The following MSANTD2 variants were observed in gnomAD, a reference collection of about 807,000 sequenced individuals.
MSANTD2 encodes myb/SANT-like DNA-binding domain-containing protein 2.
A neutral mutation model predicts 52.6 loss-of-function variants in MSANTD2; 19 were observed. The observed-to-expected ratio is 0.36, with a 90% CI of 0.25 to 0.53. The LOEUF (loss-of-function observed/expected upper bound fraction) is 0.53, where lower values mean the gene tolerates loss of function less well. MSANTD2 is among the 20% of genes least tolerant of loss of function. MSANTD2 has a pLI of 0.91. For missense variants in MSANTD2, 558 were observed against 716.3 expected, an observed-to-expected ratio of 0.78 and a Z score of 2.52; for synonymous variants, 291 against 289.7, an observed-to-expected ratio of 1.00 and a Z score of -0.04.
intron 1 of MSANTD2, among the ~76,000 whole-genome samples, chr11:124,777,460 T>C (rs1944787160): frequency 2.0e-5 from 3 of 152,346 alleles, no homozygotes; most frequent in South Asian, 4.1e-4. Context: ...GCGATAGACA[T>C]GGTAGGAAAC....
chr11:124,766,877 T>C lies in MSANTD2; in HGVS notation c.*299A>G, dbSNP rs1440693371. 1 of 252,072 alleles carries C rather than the reference T, an allele frequency of 4.0e-6. No individual in the cohort carries two copies. Among genetic ancestry groups the C allele is most frequent in the Non-Finnish European group, 7.5e-6 (1 of 132,878 alleles). The allele number at this position is 252,072 out of a possible 1,614,324, so 15.6% of individuals were successfully genotyped here. ...CCAATATGGAATGTACCTACATTTG[T>C]TTATATTAGGGCTCTAAAATCCATT... On this transcript the variant is annotated 3_prime_UTR_variant, in exon 4 of 4. Transcript: ENST00000374979.
chr11:124,785,045 CTTAG>C (rs554078824), intron 1 of MSANTD2, among the ~76,000 whole-genome samples: 154 of 152,282 alleles, frequency 1.0e-3, no homozygotes, highest in Non-Finnish European at 1.5e-3. Context: ...GTGATCTGAA[CTTAG>C]TTAGGAAGTT....
At chr11:124,794,489 T>C (rs887681387) in intron 1 of MSANTD2, among the ~76,000 whole-genome samples, 2 of 152,178 alleles carry the variant, frequency 1.3e-5, no homozygotes, top group African/African-American at 4.8e-5. Context: ...AGAGACTAAA[T>C]ATATAAAAAA....
Position 124,773,031 on chromosome 11 carries a change from T to C in MSANTD2, c.790A>G (p.Thr264Ala). Residue 264 changes from threonine (T) to alanine (A), a missense_variant, in exon 3 of 4, where the codon ACA becomes GCA. Physicochemically the swap from Thr to Ala is moderately conservative, Grantham distance 58. Transcript: ENST00000374979. ...GAAGACTCTTGTTTTATTTTTAATG[T>C]TCTCTTTGTGACAGGTATTTCATCT... ...ELDEIPVTKRTLKIKQESSEE... is the reference protein window; with the variant it reads ...ELDEIPVTKRALKIKQESSEE... The C allele has an allele frequency of 6.2e-7, 1 of 1,600,506 alleles. No homozygotes were observed. The highest frequency in any genetic ancestry group is 8.6e-7 in the Non-Finnish European group (1 of 1,168,100).
In MSANTD2 at chr11:124,797,542, CT is replaced by C. The variant is rs1945532898; in HGVS notation, c.510+2328del. Among the ~76,000 whole-genome samples the C allele has an allele frequency of 3.3e-5, 5 of 152,252 alleles. No individual in the cohort carries two copies. The South Asian group carries it at 1.0e-3, about 32-fold the overall frequency. ...CAAATTAAAAAAAATGTAGTGTCTA[CT>C]ATATGCTAGTACAGCAGTGAGTAAG... is the stretch of plus-strand genomic sequence containing the variant. On this transcript the variant is annotated intron_variant, in intron 1 of 3. Coordinates refer to ENST00000374979, the MANE Select transcript of MSANTD2 (RefSeq NM_001308027.2).
intron 1 of MSANTD2, among the ~76,000 whole-genome samples, chr11:124,781,068 A>C (rs1944946689): frequency 6.6e-6 from 1 of 152,030 alleles, no homozygotes; most frequent in South Asian, 2.1e-4. Context: ...CTGTAGTCCC[A>C]GCTACTCGGG....
In MSANTD2 at chr11:124,784,321, A is replaced by C. The variant is rs1296415634; in HGVS notation, c.511-9347T>G. On this transcript the variant is annotated intron_variant, in intron 1 of 3. Coordinates refer to ENST00000374979, the MANE Select transcript of MSANTD2 (RefSeq NM_001308027.2). ...ATCAAAGAGGTATTCAGATACACTA[A>C]AAATGATACTTTTATTAGTATGTGA... The C allele has an allele frequency of 4.1e-6, 4 of 985,244 alleles. No homozygotes were observed. The African/African-American group carries it at 7.0e-5, about 17-fold the overall frequency. The allele number at this position is 985,244 out of a possible 1,614,324, so 61.0% of individuals were successfully genotyped here.
intron 1 of MSANTD2, among the ~76,000 whole-genome samples, chr11:124,778,233 G>C (rs1944819829): frequency 6.6e-6 from 1 of 152,102 alleles, no homozygotes; most frequent in Non-Finnish European, 1.5e-5. Flanking sequence ...TGGCTTTCTT[G>C]GAGAACCATG....
intron 1 of MSANTD2, among the ~76,000 whole-genome samples, chr11:124,785,615 GT>G (rs1945133436): frequency 6.6e-6 from 1 of 152,172 alleles, no homozygotes; most frequent in African/African-American, 2.4e-5. Flanking sequence ...CTCACCTTGG[GT>G]GAGACAGTTG....
chr11:124,784,148 C>G (rs991216775), intron 1 of MSANTD2: 16 of 984,954 alleles, frequency 1.6e-5, no homozygotes, highest in Non-Finnish European at 1.9e-5. Flanking sequence ...TTCCTCCTCA[C>G]CTGAAAGGGA....
chr11:124,791,254 C>A, intron 1 of MSANTD2: 1 of 1,445,680 alleles, frequency 6.9e-7, no homozygotes, highest in Non-Finnish European at 9.7e-7. Flanking sequence ...AACAAGCAAA[C>A]CTGGAGTATC....
At chr11:124,781,389 T>C (rs750457530) in intron 1 of MSANTD2, among the ~76,000 whole-genome samples, 1 of 152,146 alleles carries the variant, frequency 6.6e-6, no homozygotes, top group Non-Finnish European at 1.5e-5. Context: ...CTTATCGATA[T>C]AGATGCCAGA....
At chr11:124,775,040 A>C (rs145826543) in intron 1 of MSANTD2, 66 bp from the exon 2 acceptor site, 2 of 1,414,776 alleles carry the variant, frequency 1.4e-6, no homozygotes, top group African/African-American at 2.8e-5. Context: ...CGGACCACAG[A>C]TATTAATTAC....
At chr11:124,770,311 T>C (rs941569629) in intron 3 of MSANTD2, among the ~76,000 whole-genome samples, 1 of 126,754 alleles carries the variant, frequency 7.9e-6, no homozygotes, top group Non-Finnish European at 1.5e-5. Flanking sequence ...TTTTTGTTTG[T>C]TTGTTTTTTT....
chr11:124,793,014 A>G (rs1195082205), intron 1 of MSANTD2, among the ~76,000 whole-genome samples: 1 of 152,208 alleles, frequency 6.6e-6, no homozygotes, highest in Admixed American at 6.5e-5. Flanking sequence ...GAAAGATATC[A>G]AAAAGATACT....
intron 1 of MSANTD2, chr11:124,791,782 T>C: frequency 1.7e-6 from 1 of 588,966 alleles, no homozygotes; most frequent in Middle Eastern, 4.8e-4. Context: ...GAGGAGGATG[T>C]GGGGCAGAGA....
chr11:124,778,118 C>T (rs907362978), intron 1 of MSANTD2, among the ~76,000 whole-genome samples: 5 of 152,124 alleles, frequency 3.3e-5, no homozygotes, highest in African/African-American at 1.2e-4. Context: ...CCTAAATAAA[C>T]CCACTTAAAA....
intron 1 of MSANTD2, among the ~76,000 whole-genome samples, chr11:124,782,032 A>G (rs917615307): frequency 1.3e-5 from 2 of 152,180 alleles, no homozygotes; most frequent in South Asian, 4.1e-4. Flanking sequence ...GATACTCTTC[A>G]TCACCTGCTG....
intron 3 of MSANTD2, 56 bp from the exon 4 acceptor site, chr11:124,768,084 T>C: frequency 4.0e-6 from 6 of 1,507,774 alleles, no homozygotes; most frequent in Admixed American, 2.0e-5. Flanking sequence ...CGGTGTCAGA[T>C]AGAACTTTCT....
Sources: allele counts gnomAD v4.1 joint callset (sites outside exome capture counted in the v4.1 genomes callset), GRCh38; gene constraint gnomAD v4.1.1; transcripts MANE v1.5; gene names NCBI Gene and HGNC (gene_info 2026-07-23, HGNC 2026-07-21).